SNX18: variants seen among roughly 807,000 people sequenced by gnomAD.
The protein encoded by SNX18 is sorting nexin-18.
In SNX18, 35 loss-of-function variants were observed where a neutral mutation model predicts 48.7. The observed-to-expected ratio is 0.72, with a 90% CI of 0.55 to 0.95. The LOEUF (loss-of-function observed/expected upper bound fraction) is 0.95. Among genes scored for constraint, SNX18 ranks in the 40% least tolerant of loss-of-function variants. The probability of loss-of-function intolerance (pLI) is 0.00; values close to 1 mark genes in which losing one functional copy is unlikely to be tolerated. For synonymous variants in SNX18, 492 were observed against 384.7 expected (o/e 1.28, Z -3.26); for missense variants, 824 against 871.0 (o/e 0.95, Z 0.68).
At chr5:54,599,292 T>G in the SNX18 span, among the ~76,000 whole-genome samples, 1 of 152,082 alleles carries the variant, frequency 6.6e-6, no homozygotes, top group Non-Finnish European at 1.5e-5. Flanking sequence ...AAGGACCTCT[T>G]CAAGGAGAAC....
chr5:54,556,979 T>C, the SNX18 span, among the ~76,000 whole-genome samples: 1 of 152,210 alleles, frequency 6.6e-6, no homozygotes, highest in South Asian at 2.1e-4. Flanking sequence ...CAAGCAGCAT[T>C]TTTCATCTGC....
the SNX18 span, among the ~76,000 whole-genome samples, chr5:54,640,747 C>T: frequency 2.6e-5 from 4 of 151,992 alleles, no homozygotes; most frequent in Non-Finnish European, 5.9e-5. Flanking sequence ...GGGAATCTAT[C>T]CATATCAGGT....
chr5:54,523,186 C>T (rs1352376894), intron 1 of SNX18, among the ~76,000 whole-genome samples: 4 of 151,990 alleles, frequency 2.6e-5, no homozygotes, highest in Non-Finnish European at 5.9e-5. Flanking sequence ...TAAGTGATAG[C>T]ATTTTATCTT....
At chr5:54,519,796 C>T (rs1398757332) in intron 1 of SNX18, 2 of 1,613,160 alleles carry the variant, frequency 1.2e-6, no homozygotes, top group Non-Finnish European at 1.7e-6. Context: ...TACTCTTTCT[C>T]GAAGGTTCAA....
intron 1 of SNX18, among the ~76,000 whole-genome samples, chr5:54,528,775 G>A (rs1762194371): frequency 6.6e-6 from 1 of 152,174 alleles, no homozygotes; most frequent in African/African-American, 2.4e-5. Flanking sequence ...CTCAGTCTAA[G>A]AAGAGTTTTG....
At chr5:54,607,311 A>G in the SNX18 span, among the ~76,000 whole-genome samples, 1 of 152,124 alleles carries the variant, frequency 6.6e-6, no homozygotes, top group Non-Finnish European at 1.5e-5. Context: ...CGCCTAAGAA[A>G]ACTTCAAGTC....
At chr5:54,555,195 A>G in the SNX18 span, among the ~76,000 whole-genome samples, 13 of 152,178 alleles carry the variant, frequency 8.5e-5, no homozygotes, top group Admixed American at 8.5e-4. Context: ...TCCCTGTCCC[A>G]TCTTCCCACC....
the SNX18 span, among the ~76,000 whole-genome samples, chr5:54,581,687 TAAC>T: frequency 2.0e-5 from 3 of 152,212 alleles, no homozygotes; most frequent in Non-Finnish European, 4.4e-5. Flanking sequence ...TAGCAAAGAC[TAAC>T]AAGGCTTGCT....
chr5:54,627,900 T>C, the SNX18 span, among the ~76,000 whole-genome samples: 1 of 152,186 alleles, frequency 6.6e-6, no homozygotes, highest in South Asian at 2.1e-4. Context: ...GCAAAGACTT[T>C]TCAACATGTG....
the SNX18 span, among the ~76,000 whole-genome samples, chr5:54,639,563 C>G: frequency 6.6e-6 from 1 of 152,004 alleles, no homozygotes; most frequent in Non-Finnish European, 1.5e-5. Flanking sequence ...TCATTTAACT[C>G]TCAAACAATG....
chr5:54,540,251 A>G (rs1265737415), intron 1 of SNX18, among the ~76,000 whole-genome samples: 1 of 150,294 alleles, frequency 6.7e-6, no homozygotes, highest in African/African-American at 2.5e-5. Context: ...TTACTCTGTC[A>G]CCTAGCAGGC....
the SNX18 span, among the ~76,000 whole-genome samples, chr5:54,577,080 C>T: frequency 1.3e-5 from 2 of 152,158 alleles, no homozygotes; most frequent in South Asian, 2.1e-4. Flanking sequence ...GGATTACAGG[C>T]GTGAGCCACC....
the SNX18 span, among the ~76,000 whole-genome samples, chr5:54,567,337 G>A: frequency 6.6e-6 from 1 of 151,896 alleles, no homozygotes; most frequent in East Asian, 1.9e-4. Context: ...TTCTGGCCCA[G>A]GAAAGGTTGG....
At chr5:54,531,381 G>A (rs1762251036) in intron 1 of SNX18, among the ~76,000 whole-genome samples, 1 of 152,140 alleles carries the variant, frequency 6.6e-6, no homozygotes, top group Admixed American at 6.5e-5. Flanking sequence ...TAAAAGGAAA[G>A]ACAAGGAATG....
At chr5:54,551,315 G>A (rs1170031438), downstream of SNX18, among the ~76,000 whole-genome samples, 1 of 152,184 alleles carries the variant, frequency 6.6e-6, no homozygotes, top group African/African-American at 2.4e-5. Flanking sequence ...AATGTCACTG[G>A]ACCATAGTCT....
At chr5:54,556,024 G>A in the SNX18 span, among the ~76,000 whole-genome samples, 1 of 152,066 alleles carries the variant, frequency 6.6e-6, no homozygotes, top group Admixed American at 6.6e-5. Context: ...CTCACCAAAA[G>A]CAGAAAGAGA....
chr5:54,622,950 T>C, the SNX18 span, among the ~76,000 whole-genome samples: 33 of 152,318 alleles, frequency 2.2e-4, no homozygotes, highest in African/African-American at 7.9e-4. Flanking sequence ...AAAGAATAAA[T>C]ATCAAATTCT....
In SNX18 at chr5:54,519,555, A is replaced by G. The variant is rs1193052566; in HGVS notation, c.1603A>G (p.Ile535Val). 5 of 1,614,108 alleles carry G rather than the reference A, an allele frequency of 3.1e-6. No homozygotes were observed. The African/African-American group carries it at 5.3e-5, about 17-fold the overall frequency. Residue 535 changes from isoleucine to valine, a missense_variant, in exon 1 of 2, where the codon ATC becomes GTC. Physicochemically the swap from Ile to Val is conservative, Grantham distance 29. Around this residue, in one of 3 missense-constraint regions of SNX18, gnomAD observed 443 missense variants for 503.6 expected, o/e 0.88. Coordinates refer to ENST00000381410, the MANE Select transcript of SNX18 (RefSeq NM_001102575.2). ...GGGGCATCTGGCTAACTTCCCGGAC[A>G]TCATCCACGTTCAGAAAGGTAAAGC... ...YQGHLANFPD[I>V]IHVQKGALTK...
At chr5:54,590,222 G>A in the SNX18 span, among the ~76,000 whole-genome samples, 3 of 152,220 alleles carry the variant, frequency 2.0e-5, no homozygotes, top group Non-Finnish European at 4.4e-5. Flanking sequence ...CATTCCCTCT[G>A]ATGCTGGCTA....
Sources: allele counts gnomAD v4.1 joint callset (sites outside exome capture counted in the v4.1 genomes callset), GRCh38; gene constraint gnomAD v4.1.1; regional missense constraint gnomAD v4.1.1; transcripts MANE v1.5; gene names NCBI Gene and HGNC (gene_info 2026-07-23, HGNC 2026-07-21).